Variants in ARHGEF6 observed in about 807,000 individuals in gnomAD.
ARHGEF6 encodes the protein rho guanine nucleotide exchange factor 6.
A neutral mutation model predicts 70.3 loss-of-function variants in ARHGEF6; 9 were observed. The observed-to-expected ratio is 0.13, with a 90% confidence interval of 0.08 to 0.22. The LOEUF (loss-of-function observed/expected upper bound fraction) is 0.22. ARHGEF6 is among the 10% of genes least tolerant of loss of function. The pLI is 1.00. For missense variants in ARHGEF6, 470 were observed against 563.0 expected (o/e 0.83, Z 1.67); for synonymous variants, 201 against 207.8 (o/e 0.97, Z 0.28).
intron 6 of ARHGEF6, 124 bp from the exon 7 acceptor site, chrX:136,713,494 G>C: frequency 2.0e-6 from 1 of 499,739 alleles, no homozygotes; most frequent in Non-Finnish European, 3.4e-6. Context: ...ACCATTGCAA[G>C]CAAGGAACAC....
At chrX:136,775,396 G>GC (rs2077396333) in intron 2 of ARHGEF6, among the ~76,000 whole-genome samples, 1 of 111,924 alleles carries the variant, frequency 8.9e-6, no homozygotes, top group African/African-American at 3.3e-5. Context: ...TTTAACACAT[G>GC]CAAGTCAATA....
At chrX:136,748,917 T>TG (rs1420460436) in intron 2 of ARHGEF6, among the ~76,000 whole-genome samples, 2 of 111,697 alleles carry the variant, frequency 1.8e-5, no homozygotes, top group Admixed American at 9.5e-5. Flanking sequence ...TTTCACGTTT[T>TG]GGGGGGTCAA....
chrX:136,775,168 G>A (rs1176688503), intron 2 of ARHGEF6, among the ~76,000 whole-genome samples: 1 of 111,048 alleles, frequency 9.0e-6, no homozygotes, highest in Non-Finnish European at 1.9e-5. Context: ...AAAAGACAGA[G>A]AGAGATAATC....
chrX:136,668,985 C>T (rs1245204804), intron 21 of ARHGEF6, among the ~76,000 whole-genome samples: 1 of 111,618 alleles, frequency 9.0e-6, no homozygotes, highest in Non-Finnish European at 1.9e-5. Flanking sequence ...AGGACTCTGA[C>T]AGGTTTCACC....
At chrX:136,752,161 A>G (rs1032213519) in intron 2 of ARHGEF6, among the ~76,000 whole-genome samples, 3 of 112,552 alleles carry the variant, frequency 2.7e-5, no homozygotes, top group African/African-American at 9.7e-5. Context: ...TATCATCTGC[A>G]TCGAGTTTGT....
chrX:136,737,817 C>T (rs2077002189), intron 5 of ARHGEF6, among the ~76,000 whole-genome samples: 2 of 101,634 alleles, frequency 2.0e-5, no homozygotes, highest in East Asian at 6.0e-4. Flanking sequence ...TTTTGGCTTA[C>T]CTACTATTTT....
chrX:136,686,207 C>A (rs1000753036), intron 11 of ARHGEF6, among the ~76,000 whole-genome samples: 1 of 111,991 alleles, frequency 8.9e-6, no homozygotes, highest in African/African-American at 3.3e-5. Flanking sequence ...CTCCTCTTAC[C>A]TTGTCTATCT....
chrX:136,725,510 A>G (rs892711166), intron 6 of ARHGEF6, among the ~76,000 whole-genome samples: 2 of 111,029 alleles, frequency 1.8e-5, no homozygotes, highest in Admixed American at 9.6e-5. Context: ...TTCAATCTCA[A>G]AAGATCAACT....
At chrX:136,767,449 C>T (rs1388389133) in intron 2 of ARHGEF6, 1 of 754,127 alleles carries the variant, frequency 1.3e-6, no homozygotes, top group Non-Finnish European at 1.6e-6. Flanking sequence ...GCCGCGCCCG[C>T]AACCTCTCCA....
chrX:136,729,184 C>T (rs1442105422), intron 6 of ARHGEF6, among the ~76,000 whole-genome samples: 1 of 106,026 alleles, frequency 9.4e-6, no homozygotes, highest in African/African-American at 3.4e-5. Context: ...AAGAACAGGT[C>T]TGGCTGGGAG....
chrX:136,710,555 C>G (rs1436270594), intron 7 of ARHGEF6, among the ~76,000 whole-genome samples: 1 of 109,061 alleles, frequency 9.2e-6, no homozygotes, highest in African/African-American at 3.3e-5. Flanking sequence ...CTGGTTGTTG[C>G]TCTCTCAGAG....
intron 9 of ARHGEF6, 76 bp from the exon 10 acceptor site, chrX:136,690,824 C>T: frequency 8.5e-6 from 9 of 1,062,294 alleles, no homozygotes; most frequent in Non-Finnish European, 1.2e-5. Flanking sequence ...AATTATTTTA[C>T]TGTATTTCAC....
chrX:136,726,452 G>A (rs927854894), intron 6 of ARHGEF6, among the ~76,000 whole-genome samples: 2 of 111,898 alleles, frequency 1.8e-5, no homozygotes, highest in African/African-American at 6.5e-5. Context: ...ATGGATAGAT[G>A]TGTAAGGTAG....
At chrX:136,684,877 G>A (rs890992002) in intron 12 of ARHGEF6, among the ~76,000 whole-genome samples, 2 of 111,564 alleles carry the variant, frequency 1.8e-5, no homozygotes, top group Non-Finnish European at 3.8e-5. Flanking sequence ...TCTGCTTCTC[G>A]TCCATTCCCT....
At chrX:136,678,799 G>A (rs1346791767) in intron 16 of ARHGEF6, among the ~76,000 whole-genome samples, 1 of 111,545 alleles carries the variant, frequency 9.0e-6, no homozygotes, top group Non-Finnish European at 1.9e-5. Context: ...CCAATTTAAA[G>A]AACAGTTACT....
chrX:136,678,471 C>T (rs1366339534), intron 16 of ARHGEF6, among the ~76,000 whole-genome samples: 1 of 112,099 alleles, frequency 8.9e-6, no homozygotes, highest in African/African-American at 3.2e-5. Flanking sequence ...ATCTGTGGGA[C>T]TGCTTCCTGA....
At chrX:136,768,756 T>C (rs964063393) in intron 2 of ARHGEF6, 2 of 111,804 alleles carry the variant, frequency 1.8e-5, no homozygotes, top group Non-Finnish European at 3.8e-5. Flanking sequence ...TGATCATTAG[T>C]AGAGCTGCCT....
chrX:136,737,103 G>T (rs1003700881), intron 5 of ARHGEF6, among the ~76,000 whole-genome samples: 1 of 112,020 alleles, frequency 8.9e-6, no homozygotes. Flanking sequence ...ATAGTAAGCA[G>T]ACTGAGATCA....
chrX:136,684,767 T>C (rs1248432160), intron 12 of ARHGEF6, among the ~76,000 whole-genome samples: 1 of 111,531 alleles, frequency 9.0e-6, no homozygotes. Context: ...CCTGTTGGCT[T>C]TCCCTTCTAA....
Sources: gnomAD v4.1 joint callset for allele counts (sites outside exome capture counted in the v4.1 genomes callset) on GRCh38, gnomAD v4.1.1 for gene constraint, MANE v1.5 for transcripts, NCBI Gene and HGNC (gene_info 2026-07-23, HGNC 2026-07-21) for gene names.